OSMR: variants seen among roughly 807,000 people sequenced by gnomAD.
OSMR encodes the protein oncostatin-M-specific receptor subunit beta.
In OSMR, 81 loss-of-function variants were observed where a neutral mutation model predicts 99.9. The observed-to-expected ratio is 0.81, with a 90% CI of 0.68 to 0.97. The LOEUF is 0.97. Ranked by LOEUF, OSMR falls within the 50% of genes least tolerant of loss-of-function variation. The pLI is 0.00. For synonymous variants in OSMR, 406 were observed against 410.4 expected (o/e 0.99, Z 0.13); for missense variants, 1,099 against 1,153.4 (o/e 0.95, Z 0.68).
At chr5:38,855,515 C>T (rs1030719340) in intron 1 of OSMR, among the ~76,000 whole-genome samples, 4 of 152,180 alleles carry the variant, frequency 2.6e-5, no homozygotes, top group Non-Finnish European at 5.9e-5. Context: ...TTCCATTCTT[C>T]GAGGGGCTCT....
chr5:38,902,493 A>T (rs1188751873), intron 7 of OSMR, among the ~76,000 whole-genome samples: 1 of 152,248 alleles, frequency 6.6e-6, no homozygotes, highest in Non-Finnish European at 1.5e-5. Context: ...CCCTAAAAGA[A>T]CAAGGAAATA....
intron 7 of OSMR, among the ~76,000 whole-genome samples, chr5:38,902,557 TTTTTCTC>T (rs1407281006): frequency 6.6e-6 from 1 of 152,252 alleles, no homozygotes; most frequent in African/African-American, 2.4e-5. Flanking sequence ...AATTTTCTTC[TTTTTCTC>T]TTTTCTCTTA....
intron 9 of OSMR, among the ~76,000 whole-genome samples, chr5:38,911,761 C>T (rs183509676): frequency 7.2e-5 from 11 of 152,278 alleles, no homozygotes; most frequent in South Asian, 2.1e-4. Flanking sequence ...TGTCAGCCTA[C>T]GCAAATCACT....
chr5:38,943,859 C>A (rs1466115052), intron 1 of OSMR, among the ~76,000 whole-genome samples: 1 of 152,002 alleles, frequency 6.6e-6, no homozygotes. Context: ...GCAGGAGACC[C>A]TGAGGTGCAT....
At chr5:38,866,740 A>G (rs961443968) in intron 1 of OSMR, among the ~76,000 whole-genome samples, 2 of 152,100 alleles carry the variant, frequency 1.3e-5, no homozygotes, top group Admixed American at 1.3e-4. Flanking sequence ...GGGACCCCAC[A>G]CACACTCCCT....
intron 9 of OSMR, among the ~76,000 whole-genome samples, chr5:38,909,762 C>T (rs1264996558): frequency 4.6e-5 from 7 of 152,152 alleles, no homozygotes; most frequent in Non-Finnish European, 1.0e-4. Context: ...CATTACCAAC[C>T]ACCACAAAAA....
intron 15 of OSMR, 87 bp from the exon 16 acceptor site, chr5:38,931,796 A>G: frequency 6.4e-7 from 1 of 1,565,740 alleles, no homozygotes; most frequent in Non-Finnish European, 8.7e-7. Flanking sequence ...AACATGTAAA[A>G]TTACTTTCAA....
chr5:38,862,495 C>G (rs1467656206), intron 1 of OSMR, among the ~76,000 whole-genome samples: 2 of 150,638 alleles, frequency 1.3e-5, no homozygotes, highest in East Asian at 2.0e-4. Flanking sequence ...GGGTGGCTGC[C>G]GGGCGGAGGG....
At chr5:38,894,671 A>G (rs1210372219) in intron 7 of OSMR, among the ~76,000 whole-genome samples, 1 of 152,106 alleles carries the variant, frequency 6.6e-6, no homozygotes, top group Non-Finnish European at 1.5e-5. Flanking sequence ...TATGTACCCA[A>G]TACAGAAGCA....
intron 15 of OSMR, among the ~76,000 whole-genome samples, chr5:38,927,584 C>T (rs1335978279): frequency 6.6e-6 from 1 of 152,186 alleles, no homozygotes; most frequent in African/African-American, 2.4e-5. Flanking sequence ...TGAGGCGGCA[C>T]AGAGCAGGGC....
At chr5:38,896,877 C>A (rs1744554650) in intron 7 of OSMR, among the ~76,000 whole-genome samples, 1 of 151,756 alleles carries the variant, frequency 6.6e-6, no homozygotes, top group Non-Finnish European at 1.5e-5. Flanking sequence ...TGAATTTCAT[C>A]AAATGCTTTT....
At chr5:38,940,630 A>C, downstream of OSMR, 1 of 232,926 alleles carries the variant, frequency 4.3e-6, no homozygotes, top group Non-Finnish European at 8.5e-6. Context: ...AGCAGCTTAC[A>C]GCCCTTATCT....
intron 15 of OSMR, among the ~76,000 whole-genome samples, chr5:38,930,259 G>A (rs146520180): frequency 1.3e-5 from 2 of 152,306 alleles, no homozygotes; most frequent in African/African-American, 4.8e-5. Flanking sequence ...GATTCATAAA[G>A]AGAGTTTCTT....
chr5:38,909,598 C>G (rs1240784137), intron 9 of OSMR, among the ~76,000 whole-genome samples: 1 of 152,132 alleles, frequency 6.6e-6, no homozygotes, highest in Non-Finnish European at 1.5e-5. Flanking sequence ...AAAAGAAATT[C>G]CAACCAAGAA....
rs1174775581 is a variant in OSMR at position 38,904,433 on chromosome 5, G to A, written c.1215G>A (p.Arg405=). The change falls in exon 9 of 18, where the codon CGG becomes CGA. Residue 405 remains arginine, a synonymous_variant. Coordinates refer to ENST00000274276, the MANE Select transcript of OSMR (RefSeq NM_003999.3). ...CCACAGAGTACATGGCGCGAGTACG[G>A]TGTGCTGATGCCAGCCACTTCTGGA... ...EPATEYMARV[R]CADASHFWKW... is the part of the protein sequence containing the mutation. 1.9e-6 allele frequency: 3 copies of A among 1,614,154 alleles called. No homozygotes were observed. The highest frequency in any genetic ancestry group is 2.2e-5 in the East Asian group (1 of 44,880).
At position 38,923,200 on chromosome 5, in the gene OSMR, AC is replaced by A. The variant is rs1332062662; in HGVS notation, c.1817del (p.Thr606LysfsTer8). 1 of 1,613,334 alleles carries A rather than the reference AC, an allele frequency of 6.2e-7. No individual in the cohort carries two copies. The highest frequency in any genetic ancestry group is 1.7e-5 in the Admixed American group (1 of 60,024). On this transcript the variant is annotated frameshift_variant, in exon 13 of 18. Transcript: ENST00000274276. LOFTEE classifies it high-confidence loss of function. ...RYDFRIYGLS[T>X]KRIACLLEKK... ...TGACTTCAGAATTTATGGGTTATCT[AC>A]AAAAAGGATTGCTTGTTTATTAGAG...
chr5:38,856,853 T>A (rs1371352073), intron 1 of OSMR, among the ~76,000 whole-genome samples: 11 of 152,134 alleles, frequency 7.2e-5, no homozygotes, highest in African/African-American at 2.7e-4. Context: ...TGTTGCCCAG[T>A]CTGGTCTGGA....
At chr5:38,891,393 A>G (rs566870233) in intron 7 of OSMR, among the ~76,000 whole-genome samples, 9 of 152,326 alleles carry the variant, frequency 5.9e-5, no homozygotes, top group African/African-American at 2.2e-4. Flanking sequence ...TCTCACAGAG[A>G]GGAAACAAAA....
Position 38,932,757 on chromosome 5 carries a change from G to A in OSMR, c.2368-115G>A, listed in dbSNP as rs775961776. ...TCACCTCCAGGTTACTTGTGACCAG[G>A]AAGAAACATGAAGAACATTGAAGCT... On this transcript the variant is annotated intron_variant, in intron 17 of 17. Transcript: ENST00000274276. 2.1e-4 allele frequency: 318 copies of A among 1,541,320 alleles called. 1 individual carries two copies. Among genetic ancestry groups the A allele is most frequent in the Middle Eastern group, 1.3e-3 (6 of 4,514 alleles).
Sources: gnomAD v4.1 joint callset for allele counts (sites outside exome capture counted in the v4.1 genomes callset) on GRCh38, gnomAD v4.1.1 for gene constraint, MANE v1.5 for transcripts, NCBI Gene and HGNC (gene_info 2026-07-23, HGNC 2026-07-21) for gene names.